The following NRG1 variants were observed in gnomAD, a reference collection of about 807,000 sequenced individuals.
NRG1 encodes pro-neuregulin-1, membrane-bound isoform.
NRG1 carries 18 observed loss-of-function variants against 63.8 expected under a neutral mutation model. The observed-to-expected ratio is 0.28, with a 90% confidence interval of 0.19 to 0.42. The LOEUF is 0.42. NRG1 is among the 10% of genes least tolerant of loss of function. The pLI is 1.00. For missense variants in NRG1, 762 were observed against 814.7 expected, an observed-to-expected ratio of 0.94 and a Z score of 0.79; for synonymous variants, 302 against 301.3, an observed-to-expected ratio of 1.00 and a Z score of -0.02.
intron 1 of NRG1, among the ~76,000 whole-genome samples, chr8:32,592,529 A>T (rs984998120): frequency 6.6e-6 from 1 of 152,124 alleles, no homozygotes; most frequent in Non-Finnish European, 1.5e-5. Flanking sequence ...AATTTGTCGT[A>T]TTGTTTCCTC....
chr8:32,708,687 A>T (rs1817044737), intron 5 of NRG1, among the ~76,000 whole-genome samples: 1 of 152,224 alleles, frequency 6.6e-6, no homozygotes. Flanking sequence ...CTATGAGATC[A>T]TGTGTATTTT....
At chr8:31,979,617 C>T (rs1367697528) in intron 1 of NRG1, among the ~76,000 whole-genome samples, 7 of 152,056 alleles carry the variant, frequency 4.6e-5, no homozygotes, top group Admixed American at 6.6e-5. Flanking sequence ...GGCAATTGCA[C>T]TGAAATTGTA....
intron 1 of NRG1, among the ~76,000 whole-genome samples, chr8:31,844,579 A>G (rs1166719764): frequency 6.6e-6 from 1 of 152,172 alleles, no homozygotes; most frequent in Admixed American, 6.5e-5. Flanking sequence ...TTCATGAACT[A>G]AATTACCCAG....
intron 1 of NRG1, among the ~76,000 whole-genome samples, chr8:31,889,582 A>G (rs1322145787): frequency 1.3e-5 from 2 of 152,190 alleles, no homozygotes; most frequent in Non-Finnish European, 1.5e-5. Flanking sequence ...GCAGATACAG[A>G]GAGTAGCCAA....
At chr8:32,696,712 A>C (rs1055496558) in intron 5 of NRG1, among the ~76,000 whole-genome samples, 2 of 129,666 alleles carry the variant, frequency 1.5e-5, no homozygotes, top group Admixed American at 9.1e-5. Context: ...CCCAGGCTGG[A>C]GTGCAATGGC....
intron 1 of NRG1, among the ~76,000 whole-genome samples, chr8:32,550,914 T>C (rs1833981137): frequency 6.6e-6 from 1 of 152,218 alleles, no homozygotes; most frequent in African/African-American, 2.4e-5. Flanking sequence ...TATAATCTTT[T>C]TTGGGGAGGG....
At chr8:32,368,451 C>G (rs1022920955) in intron 1 of NRG1, among the ~76,000 whole-genome samples, 6 of 151,998 alleles carry the variant, frequency 3.9e-5, no homozygotes, top group Admixed American at 2.6e-4. Context: ...TACCTGTAGT[C>G]CCAGCTACTT....
At chr8:32,691,227 G>A (rs1811544677) in intron 5 of NRG1, among the ~76,000 whole-genome samples, 1 of 152,082 alleles carries the variant, frequency 6.6e-6, no homozygotes, top group African/African-American at 2.4e-5. Context: ...GGACATGGTG[G>A]CGGGCGCCTG....
intron 1 of NRG1, among the ~76,000 whole-genome samples, chr8:32,141,588 G>A (rs1235561404): frequency 1.1e-5 from 1 of 90,718 alleles, no homozygotes; most frequent in Non-Finnish European, 2.1e-5. Context: ...TCCTATGTGT[G>A]TGGGTATATA....
At chr8:31,641,241 T>TTTTTTGGCAACTC (rs1563246845) in intron 1 of NRG1, among the ~76,000 whole-genome samples, 1 of 151,874 alleles carries the variant, frequency 6.6e-6, no homozygotes, top group Non-Finnish European at 1.5e-5. Flanking sequence ...TGTGGCAGAG[T>TTTTTTGGCAACTC]TTTTTGGCAA....
At chr8:32,410,176 CT>C (rs374377158) in intron 1 of NRG1, among the ~76,000 whole-genome samples, 1,106 of 99,284 alleles carry the variant, frequency 0.011, 9 homozygotes, top group African/African-American at 0.034. Flanking sequence ...TTTTTCTTTC[CT>C]TTTTTTTTTT....
chr8:32,349,144 C>T (rs1354608195), intron 1 of NRG1, among the ~76,000 whole-genome samples: 2 of 152,176 alleles, frequency 1.3e-5, no homozygotes, highest in Non-Finnish European at 2.9e-5. Flanking sequence ...TTTGAGGACT[C>T]TGTCAAGACA....
At chr8:31,982,893 A>G (rs1190586003) in intron 1 of NRG1, among the ~76,000 whole-genome samples, 1 of 152,088 alleles carries the variant, frequency 6.6e-6, no homozygotes, top group African/African-American at 2.4e-5. Flanking sequence ...CAATGTGGAA[A>G]TTTATTCCTG....
chr8:32,408,924 A>C (rs1205593142), intron 1 of NRG1, among the ~76,000 whole-genome samples: 1 of 152,000 alleles, frequency 6.6e-6, no homozygotes, highest in Non-Finnish European at 1.5e-5. Flanking sequence ...AATGTCTATT[A>C]TTCCACCCTC....
intron 1 of NRG1, among the ~76,000 whole-genome samples, chr8:32,154,862 G>A (rs1201927690): frequency 6.6e-6 from 1 of 152,190 alleles, no homozygotes; most frequent in Non-Finnish European, 1.5e-5. Context: ...ATACTTGGAT[G>A]TTGGGGGAAT....
At chr8:31,951,368 G>A (rs1447339741) in intron 1 of NRG1, among the ~76,000 whole-genome samples, 1 of 152,170 alleles carries the variant, frequency 6.6e-6, no homozygotes, top group African/African-American at 2.4e-5. Context: ...TGGAGGCAGA[G>A]CCCTGCTCCA....
exon 12 of NRG1, chr8:32,764,680 T>G (rs1412431837): frequency 4.1e-6 from 1 of 245,664 alleles, no homozygotes; most frequent in African/African-American, 2.3e-5. Context: ...TTTTCCACAG[T>G]ATTTCTGCAA....
At chr8:32,025,352 T>C (rs1380493935) in intron 1 of NRG1, among the ~76,000 whole-genome samples, 3 of 152,088 alleles carry the variant, frequency 2.0e-5, no homozygotes, top group Non-Finnish European at 4.4e-5. Context: ...TAAAATTCTA[T>C]GATATATTTC....
intron 1 of NRG1, among the ~76,000 whole-genome samples, chr8:32,166,316 C>T (rs1490287955): frequency 1.3e-5 from 2 of 152,050 alleles, no homozygotes; most frequent in Admixed American, 6.6e-5. Context: ...AAATAGAATC[C>T]TGGGTTAGAC....
Sources: allele counts gnomAD v4.1 joint callset (sites outside exome capture counted in the v4.1 genomes callset), GRCh38; gene constraint gnomAD v4.1.1; transcripts MANE v1.5; gene names NCBI Gene and HGNC (gene_info 2026-07-23, HGNC 2026-07-21).